The following TMEM181 variants were observed in gnomAD, a reference collection of about 807,000 sequenced individuals.
The protein encoded by TMEM181 is G protein-coupled receptor 178.
Under a neutral mutation model 71.9 loss-of-function variants are expected in TMEM181, and 39 were observed. That is an observed-to-expected ratio of 0.54 (90% CI 0.42 to 0.71). TMEM181 has a LOEUF of 0.71. Among genes scored for constraint, TMEM181 ranks in the 30% least tolerant of loss-of-function variants. TMEM181 has a pLI of 0.00. For synonymous variants in TMEM181, 245 were observed against 228.8 expected (o/e 1.07, Z -0.64); for missense variants, 595 against 583.0 (o/e 1.02, Z -0.21).
intron 5 of TMEM181, among the ~76,000 whole-genome samples, chr6:158,585,842 A>G (rs1441953079): frequency 6.6e-6 from 1 of 152,058 alleles, no homozygotes; most frequent in Non-Finnish European, 1.5e-5. Flanking sequence ...TATTTTGTTT[A>G]GAGACAGGTT....
chr6:158,556,012 A>G (rs1350973638), upstream of TMEM181, among the ~76,000 whole-genome samples: 4 of 152,258 alleles, frequency 2.6e-5, no homozygotes, highest in African/African-American at 7.2e-5. Flanking sequence ...AGAAAGAAGC[A>G]AAAGTAAATT....
Position 158,548,466 on chromosome 6 carries a change from G to A in TMEM181, c.131+11601G>A, listed in dbSNP as rs187099177. Among the ~76,000 whole-genome samples the A allele has an allele frequency of 8.5e-4, 129 of 152,294 alleles. 1 individual carries two copies. Among genetic ancestry groups the A allele is most frequent in the African/African-American group, 2.9e-3 (120 of 41,556 alleles). On this transcript the variant is annotated intron_variant, in intron 1 of 16. Transcript: ENST00000367090. ...TCCTGGTTTGTCTGGGACTGAGGGC[G>A]TCTTCAGGACAGGGACTTTCAGTGC...
At chr6:158,624,337 G>C (rs549233425) in intron 11 of TMEM181, among the ~76,000 whole-genome samples, 20,327 of 152,220 alleles carry the variant, frequency 0.13, 1,506 homozygotes, top group Middle Eastern at 0.2. Context: ...AGGTGCTTTT[G>C]AGAAAAATGA....
At chr6:158,611,300 C>T in intron 10 of TMEM181, 6 of 501,884 alleles carry the variant, frequency 1.2e-5, no homozygotes, top group South Asian at 6.0e-5. Flanking sequence ...GCTGGTCCTT[C>T]TCCACAACTG....
chr6:158,588,912 C>A (rs1029878231), intron 5 of TMEM181, among the ~76,000 whole-genome samples: 2 of 152,178 alleles, frequency 1.3e-5, no homozygotes, highest in Non-Finnish European at 2.9e-5. Flanking sequence ...AGTGACATTC[C>A]GAAAGGCAGG....
chr6:158,543,371 A>G (rs1367169330), intron 1 of TMEM181, among the ~76,000 whole-genome samples: 2 of 152,210 alleles, frequency 1.3e-5, no homozygotes, highest in Non-Finnish European at 2.9e-5. Context: ...GTCTGGTGGA[A>G]CACCTGAAGC....
At chr6:158,589,324 C>T (rs571647558) in intron 5 of TMEM181, among the ~76,000 whole-genome samples, 3 of 152,324 alleles carry the variant, frequency 2.0e-5, no homozygotes, top group South Asian at 2.1e-4. Context: ...TCTGCATTGA[C>T]GTGTCTTAGC....
chr6:158,561,513 C>T (rs1224999562), intron 1 of TMEM181, among the ~76,000 whole-genome samples: 2 of 152,156 alleles, frequency 1.3e-5, no homozygotes, highest in African/African-American at 4.8e-5. Flanking sequence ...CAGGAGTTCT[C>T]TCACGCGCTG....
chr6:158,550,953 T>C (rs1280173166), intron 1 of TMEM181, among the ~76,000 whole-genome samples: 1 of 140,198 alleles, frequency 7.1e-6, no homozygotes, highest in Non-Finnish European at 1.5e-5. Flanking sequence ...ACAAACATTA[T>C]CTTTATCAAT....
intron 2 of TMEM181, 37 bp from the exon 3 acceptor site, chr6:158,580,903 C>T (rs1218581321): frequency 6.4e-7 from 1 of 1,560,648 alleles, no homozygotes; most frequent in Non-Finnish European, 8.8e-7. Context: ...ATCAATATTG[C>T]TATAATCTGC....
chr6:158,571,853 C>T (rs1782868283), intron 1 of TMEM181, among the ~76,000 whole-genome samples: 1 of 152,226 alleles, frequency 6.6e-6, no homozygotes. Flanking sequence ...CTCACTTTCC[C>T]CACCTGTGAA....
At chr6:158,604,139 C>G (rs1423304093) in intron 6 of TMEM181, among the ~76,000 whole-genome samples, 1 of 152,242 alleles carries the variant, frequency 6.6e-6, no homozygotes, top group Admixed American at 6.5e-5. Context: ...TACAGCTCTC[C>G]TTTCCAGCAC....
chr6:158,584,845 C>T (rs1050502096), intron 4 of TMEM181, among the ~76,000 whole-genome samples: 1 of 151,998 alleles, frequency 6.6e-6, no homozygotes, highest in African/African-American at 2.4e-5. Flanking sequence ...ATATGAATTA[C>T]GATTATCTCT....
At chr6:158,587,895 G>T (rs377602169) in intron 5 of TMEM181, among the ~76,000 whole-genome samples, 3 of 152,050 alleles carry the variant, frequency 2.0e-5, no homozygotes, top group African/African-American at 4.8e-5. Context: ...TCTTAAACTC[G>T]CAAGAGATGT....
At chr6:158,557,599 G>C (rs12200938), upstream of TMEM181, among the ~76,000 whole-genome samples, 236 of 151,868 alleles carry the variant, frequency 1.6e-3, no homozygotes, top group African/African-American at 5.2e-3. Flanking sequence ...CTCACTGCAA[G>C]CTCCACCCCC....
At chr6:158,536,863 C>T (rs1431805001) in exon 1 of TMEM181, 4 of 1,376,710 alleles carry the variant, frequency 2.9e-6, no homozygotes, top group Middle Eastern at 4.2e-4. Context: ...ACCGCTACTA[C>T]AGGTGGGCGC....
chr6:158,583,769 T>C (rs895116896), intron 3 of TMEM181, among the ~76,000 whole-genome samples, 185 bp from the exon 4 acceptor site: 5 of 152,152 alleles, frequency 3.3e-5, no homozygotes, highest in Non-Finnish European at 5.9e-5. Context: ...CACTGCACTC[T>C]AGCCTAGGCG....
intron 10 of TMEM181, among the ~76,000 whole-genome samples, chr6:158,623,055 GC>G: frequency 6.6e-6 from 1 of 152,292 alleles, no homozygotes; most frequent in South Asian, 2.1e-4. Flanking sequence ...AGCCCAGCAT[GC>G]CTAGTTTCAT....
intron 5 of TMEM181, among the ~76,000 whole-genome samples, chr6:158,585,789 A>G (rs1172436892): frequency 1.3e-5 from 2 of 152,136 alleles, no homozygotes; most frequent in Non-Finnish European, 2.9e-5. Context: ...GCCTCCTCAT[A>G]CGAACGTCTG....
Sources: allele counts gnomAD v4.1 joint callset (sites outside exome capture counted in the v4.1 genomes callset), GRCh38; gene constraint gnomAD v4.1.1; transcripts MANE v1.5; gene names NCBI Gene and HGNC (gene_info 2026-07-23, HGNC 2026-07-21).